Variants in ZNF385D observed in about 807,000 individuals in gnomAD.
ZNF385D encodes zinc finger protein 385D, also known as zinc finger protein 659.
ZNF385D carries 15 observed loss-of-function variants against 35.8 expected under a neutral mutation model. The ratio of observed to expected loss-of-function variants is 0.42; its 90% CI spans 0.28 to 0.64. The LOEUF is 0.64. Ranked by LOEUF, ZNF385D falls within the 30% of genes least tolerant of loss-of-function variation. The pLI is 0.23. For missense variants in ZNF385D, 474 were observed against 494.6 expected (o/e 0.96, Z 0.39); for synonymous variants, 212 against 186.8 (o/e 1.13, Z -1.10).
intron 2 of ZNF385D, among the ~76,000 whole-genome samples, chr3:22,290,922 A>T (rs116727218): frequency 1.3e-5 from 2 of 152,092 alleles, no homozygotes; most frequent in Non-Finnish European, 2.9e-5. Context: ...ATCAATATGT[A>T]TATTTTTGTG....
At chr3:21,606,084 G>A (rs754807710) in intron 2 of ZNF385D, among the ~76,000 whole-genome samples, 10 of 152,020 alleles carry the variant, frequency 6.6e-5, no homozygotes, top group Admixed American at 2.6e-4. Flanking sequence ...TGACTTCTGC[G>A]GCACAAATAG....
At chr3:21,812,662 T>C (rs190624540) in intron 3 of ZNF385D, among the ~76,000 whole-genome samples, 129 of 152,290 alleles carry the variant, frequency 8.5e-4, no homozygotes, top group African/African-American at 3.1e-3. Context: ...GAGTGCGCCA[T>C]TGCTGAGGCT....
chr3:21,442,243 A>T (rs1401613033), intron 4 of ZNF385D, among the ~76,000 whole-genome samples: 1 of 152,192 alleles, frequency 6.6e-6, no homozygotes, highest in Non-Finnish European at 1.5e-5. Flanking sequence ...TACAGACTTC[A>T]TAACTGAAGT....
intron 3 of ZNF385D, among the ~76,000 whole-genome samples, chr3:22,136,266 T>C (rs1025201845): frequency 6.6e-6 from 1 of 152,164 alleles, no homozygotes; most frequent in African/African-American, 2.4e-5. Context: ...CATAGGCCTG[T>C]AGTCCCAGCT....
intron 2 of ZNF385D, among the ~76,000 whole-genome samples, chr3:22,200,761 C>T (rs1211284566): frequency 6.6e-6 from 1 of 152,066 alleles, no homozygotes. Context: ...TATAGACCTA[C>T]CCCCAGGCGC....
chr3:22,242,418 A>G (rs1699548544), intron 2 of ZNF385D, among the ~76,000 whole-genome samples: 1 of 150,904 alleles, frequency 6.6e-6, no homozygotes, highest in African/African-American at 2.5e-5. Flanking sequence ...GGTTAACATC[A>G]CCAGTAATAA....
chr3:21,715,362 G>A (rs2068275155), intron 1 of ZNF385D, among the ~76,000 whole-genome samples: 1 of 151,664 alleles, frequency 6.6e-6, no homozygotes, highest in Admixed American at 6.6e-5. Flanking sequence ...GTCTTTCTGT[G>A]TCTGCCTAGT....
chr3:21,633,158 T>C (rs2065330618), intron 2 of ZNF385D, among the ~76,000 whole-genome samples: 1 of 152,102 alleles, frequency 6.6e-6, no homozygotes. Flanking sequence ...GGAATATGTG[T>C]AAACTCACTT....
intron 5 of ZNF385D, among the ~76,000 whole-genome samples, chr3:21,436,588 C>A (rs1394298894): frequency 6.6e-6 from 1 of 152,034 alleles, no homozygotes; most frequent in Non-Finnish European, 1.5e-5. Context: ...TGCTTAGAGT[C>A]ACGCAACTAC....
chr3:22,199,725 T>C (rs939441884), intron 2 of ZNF385D, among the ~76,000 whole-genome samples: 1 of 152,082 alleles, frequency 6.6e-6, no homozygotes, highest in East Asian at 1.9e-4. Context: ...CATACCCTTT[T>C]AAAGGGCTAA....
chr3:21,451,700 G>A (rs1378383155), intron 4 of ZNF385D, among the ~76,000 whole-genome samples: 1 of 151,998 alleles, frequency 6.6e-6, no homozygotes, highest in Non-Finnish European at 1.5e-5. Context: ...TCCTACATTT[G>A]TTTAGTCCTT....
rs1696104047 is a variant in ZNF385D, at chr3:22,355,384, T to C, written c.106+17066A>G. 2.6e-5 allele frequency among the ~76,000 whole-genome samples: 4 copies of C among 152,146 alleles called. No individual in the cohort carries two copies. The South Asian group carries it at 8.3e-4, about 32-fold the overall frequency. ...ATACATCTATATTTTACATCACACATATTCTTTCTAACATAGTTACTTGTT... is the reference window on the plus strand; with the variant it reads ...ATACATCTATATTTTACATCACACACATTCTTTCTAACATAGTTACTTGTT... On this transcript the variant is annotated intron_variant, in intron 2 of 5. Transcript: ENST00000494108.
intron 3 of ZNF385D, among the ~76,000 whole-genome samples, chr3:21,808,523 A>T (rs1367724501): frequency 3.9e-5 from 6 of 152,176 alleles, no homozygotes; most frequent in Non-Finnish European, 8.8e-5. Context: ...ACTGGGAAGA[A>T]AAAGAACGCT....
At position 21,653,839 on chromosome 3, in the gene ZNF385D, A is replaced by C. The variant is rs138315557; in HGVS notation, c.165+11047T>G. 7.4e-4 allele frequency among the ~76,000 whole-genome samples: 113 copies of C among 152,174 alleles called. 1 individual carries two copies. Among genetic ancestry groups the C allele is most frequent in the Non-Finnish European group, 6.2e-4 (42 of 67,948 alleles). On this transcript the variant is annotated intron_variant, in intron 2 of 7. Transcript: ENST00000281523. ...CTATCTGAGTACATAAATTCTATAT[A>C]TGTTAGAAAGTGGCAGAAAACGCTG... is the stretch of plus-strand genomic sequence containing the variant.
At chr3:22,317,796 C>T (rs114543827) in intron 2 of ZNF385D, among the ~76,000 whole-genome samples, 2,481 of 152,244 alleles carry the variant, frequency 0.016, 62 homozygotes, top group East Asian at 0.093. Context: ...CATGGTGACT[C>T]ACTCATGTAA....
intron 3 of ZNF385D, among the ~76,000 whole-genome samples, chr3:22,164,770 T>A (rs1301859600): frequency 6.6e-6 from 1 of 152,130 alleles, no homozygotes; most frequent in Non-Finnish European, 1.5e-5. Context: ...GGACCTCATG[T>A]GGCTGTGTTA....
At chr3:22,139,174 A>C (rs1166770774) in intron 3 of ZNF385D, among the ~76,000 whole-genome samples, 1 of 152,090 alleles carries the variant, frequency 6.6e-6, no homozygotes, top group Non-Finnish European at 1.5e-5. Flanking sequence ...GTGGGACTGT[A>C]AACTAGTTCA....
rs150439811 is a variant in ZNF385D, at chr3:22,353,980, T to C, written c.106+18470A>G. 1.1e-4 allele frequency among the ~76,000 whole-genome samples: 16 copies of C among 152,214 alleles called. No individual in the cohort carries two copies. In the East Asian group the frequency reaches 2.9e-3, roughly 28 times the overall value. ...ATATAAATTCCATGGGCAATCATTC[T>C]AATCACAAACACATATGCACCCTCC... On this transcript the variant is annotated intron_variant, in intron 2 of 5. Coordinates refer to the ZNF385D transcript ENST00000494108.
chr3:21,846,609 A>C (rs772704438), intron 3 of ZNF385D, among the ~76,000 whole-genome samples: 10 of 152,006 alleles, frequency 6.6e-5, no homozygotes, highest in Non-Finnish European at 1.0e-4. Context: ...GAAAAGAAGG[A>C]AGCAGCAGAG....
Sources: gnomAD v4.1 joint callset for allele counts (sites outside exome capture counted in the v4.1 genomes callset) on GRCh38, gnomAD v4.1.1 for gene constraint, MANE v1.5 for transcripts, NCBI Gene and HGNC (gene_info 2026-07-23, HGNC 2026-07-21) for gene names.